PSD4: variants seen among roughly 807,000 people sequenced by gnomAD.
PSD4 encodes PH and SEC7 domain-containing protein 4.
In PSD4, 59 loss-of-function variants were observed where a neutral mutation model predicts 112.5. The ratio of observed to expected loss-of-function variants is 0.52; its 90% CI spans 0.43 to 0.65. The LOEUF (loss-of-function observed/expected upper bound fraction) is 0.65, where lower values mean the gene tolerates loss of function less well. Among genes scored for constraint, PSD4 ranks in the 30% least tolerant of loss-of-function variants. The pLI, the probability that PSD4 is intolerant of heterozygous loss-of-function variation, is 0.00. For missense variants in PSD4, 1,267 were observed against 1,352.6 expected, an observed-to-expected ratio of 0.94 and a Z score of 0.99; for synonymous variants, 533 against 540.0, an observed-to-expected ratio of 0.99 and a Z score of 0.18.
intron 5 of PSD4, among the ~76,000 whole-genome samples, chr2:113,189,906 G>C (rs45483500): frequency 0.017 from 2,638 of 152,214 alleles, 87 homozygotes; most frequent in African/African-American, 0.061. Flanking sequence ...TGTAGATTCT[G>C]GATATTAGTC....
chr2:113,192,627 G>A, intron 6 of PSD4, 38 bp downstream of exon 6: 1 of 1,602,362 alleles, frequency 6.2e-7, no homozygotes, highest in Non-Finnish European at 8.5e-7. Flanking sequence ...TGGAGGCTGA[G>A]GCAGCCAGGG....
chr2:113,198,658 C>A, intron 14 of PSD4, 82 bp from the exon 15 acceptor site: 1 of 1,451,448 alleles, frequency 6.9e-7, no homozygotes, highest in Non-Finnish European at 9.1e-7. Flanking sequence ...GCCAGCTGTG[C>A]AAGCAGCCAC....
chr2:113,184,805 C>T (rs765991289), intron 2 of PSD4, 152 bp from the exon 3 acceptor site: 60 of 1,154,908 alleles, frequency 5.2e-5, no homozygotes, highest in Non-Finnish European at 1.1e-5. Flanking sequence ...AAAACACAGC[C>T]CCTCCTTGGG....
chr2:113,180,818 G>T (rs185450619), intron 1 of PSD4, among the ~76,000 whole-genome samples: 1 of 152,164 alleles, frequency 6.6e-6, no homozygotes, highest in Admixed American at 6.5e-5. Context: ...GTGTGTGTTT[G>T]TTAATAGTCT....
chr2:113,184,380 T>G (rs1319568319), intron 2 of PSD4, among the ~76,000 whole-genome samples: 1 of 90,250 alleles, frequency 1.1e-5, no homozygotes, highest in Non-Finnish European at 2.6e-5. Context: ...GGACTTTCTT[T>G]TTTTTTTTTT....
In PSD4 at chr2:113,192,599, T is replaced by G; in HGVS notation, c.1838+10T>G. The G allele has an allele frequency of 1.9e-6, 3 of 1,613,150 alleles. 1 individual carries two copies. The South Asian group carries it at 3.3e-5, about 18-fold the overall frequency. ...CCTACCTGCAGAAGAAGTAAGGGGC[T>G]TTGAGCCTGGGGAAGGCTGGAGGCT... On this transcript the variant is annotated intron_variant, in intron 6 of 16. Transcript: ENST00000245796.
At position 113,202,515 on chromosome 2, in the gene PSD4, C is replaced by G. The variant is rs1688801500; in HGVS notation, c.*1100C>G. ...CTGGCAGCTCAGAGGGTCTCTGCTG[C>G]TCTCCCCTGGGAAATCCCCTCATCC... On this transcript the variant is annotated 3_prime_UTR_variant, in exon 17 of 17. Transcript: ENST00000245796. 1 of 152,778 alleles carries G rather than the reference C, an allele frequency of 6.5e-6. No homozygotes were observed. Among genetic ancestry groups the G allele is most frequent in the Non-Finnish European group, 1.5e-5 (1 of 68,432 alleles). 9.5% of individuals were successfully genotyped at this position (152,778 alleles called of 1,614,324 possible).
At chr2:113,196,379 T>C (rs370545140) in intron 12 of PSD4, 72 bp downstream of exon 12, 1 of 1,487,230 alleles carries the variant, frequency 6.7e-7, no homozygotes, top group Non-Finnish European at 9.0e-7. Flanking sequence ...TGCCGATGCA[T>C]GCACAGGTGT....
rs1343556929 is a variant in PSD4 at position 113,206,916 on chromosome 2, A to G, written c.*5501A>G. 2.0e-5 allele frequency: 3 copies of G among 152,168 alleles called. No homozygotes were observed. The highest frequency in any genetic ancestry group is 4.4e-5 in the Non-Finnish European group (3 of 68,028). 9.4% of individuals were successfully genotyped at this position (152,168 alleles called of 1,614,324 possible). On this transcript the variant is annotated 3_prime_UTR_variant, in exon 17 of 17. Coordinates refer to ENST00000245796, the MANE Select transcript of PSD4 (RefSeq NM_012455.3). ...CAGAAAAGGACTTTGATTGGCTCCA[A>G]TAGCTGAATAATCTGTATCCAGGTC...
intron 2 of PSD4, among the ~76,000 whole-genome samples, chr2:113,184,222 A>G (rs1376577021): frequency 6.6e-6 from 1 of 152,172 alleles, no homozygotes; most frequent in African/African-American, 2.4e-5. Context: ...ATGAAGAGCT[A>G]TTACCCAGAG....
At chr2:113,177,645 C>T (rs10864910) in intron 1 of PSD4, among the ~76,000 whole-genome samples, 32,739 of 151,996 alleles carry the variant, frequency 0.22, 3,904 homozygotes, top group East Asian at 0.53. Flanking sequence ...CAATGCTGAT[C>T]TTTAAATTTC....
chr2:113,184,462 C>T (rs1688235380), intron 2 of PSD4, among the ~76,000 whole-genome samples: 1 of 151,422 alleles, frequency 6.6e-6, no homozygotes, highest in Non-Finnish European at 1.5e-5. Flanking sequence ...GACCCTCCAC[C>T]TCCCAGGTTC....
chr2:113,185,499 T>C, intron 4 of PSD4, 59 bp downstream of exon 4: 2 of 1,613,244 alleles, frequency 1.2e-6, no homozygotes, highest in Non-Finnish European at 1.7e-6. Flanking sequence ...GAATTTGGAG[T>C]GGGGACAAAG....
chr2:113,186,941 A>G (rs1688314582), intron 5 of PSD4, among the ~76,000 whole-genome samples: 1 of 152,174 alleles, frequency 6.6e-6, no homozygotes, highest in East Asian at 1.9e-4. Flanking sequence ...GCTGAATGTG[A>G]GTCATGTTAA....
In PSD4 at chr2:113,204,148, C is replaced by T. The variant is rs1235595012; in HGVS notation, c.*2733C>T. The stretch of plus-strand genomic sequence containing the variant: ...GCTGCTCAGGTGTCCTGCTGTGGAG[C>T]TGAGCTGTGCTCCCTGAAAGGCAGG... On this transcript the variant is annotated 3_prime_UTR_variant, in exon 17 of 17. Transcript: ENST00000245796. 6.6e-6 allele frequency: 1 copy of T among 152,354 alleles called. No individual in the cohort carries two copies. The highest frequency in any genetic ancestry group is 2.4e-5 in the African/African-American group (1 of 41,462). The allele number at this position is 152,354 out of a possible 1,614,324, so 9.4% of individuals were successfully genotyped here.
rs148478617 is a variant in PSD4, at chr2:113,183,610, G to T, written c.1056+98G>T. ...CAGGCCCAGAACATTCTTTTCTGAC[G>T]CTAAGAGCTTTGGGGATAACCTGCA... On this transcript the variant is annotated intron_variant, in intron 2 of 16. Transcript: ENST00000245796. 1.1e-3 allele frequency: 1,309 copies of T among 1,188,838 alleles called. 10 individuals carry two copies. The African/African-American group carries it at 0.018, about 16-fold the overall frequency. 73.6% of individuals were successfully genotyped at this position (1,188,838 alleles called of 1,614,324 possible).
At chr2:113,199,273 G>A (rs763006201) in intron 16 of PSD4, 47 bp downstream of exon 16, 260 of 1,397,824 alleles carry the variant, frequency 1.9e-4, no homozygotes, top group Middle Eastern at 2.4e-4. Context: ...CGCCCTCTCC[G>A]CCCTCTCGTG....
intron 5 of PSD4, among the ~76,000 whole-genome samples, chr2:113,186,472 C>T (rs1032944088): frequency 2.6e-5 from 4 of 152,102 alleles, no homozygotes; most frequent in South Asian, 2.1e-4. Context: ...CACGTGGAGG[C>T]GAGATCTGAG....
chr2:113,188,721 C>T (rs2104500367), intron 5 of PSD4, among the ~76,000 whole-genome samples: 1 of 152,140 alleles, frequency 6.6e-6, no homozygotes, highest in Non-Finnish European at 1.5e-5. Context: ...GCTGGGACTA[C>T]AGGCGCCCGC....
Sources: allele counts gnomAD v4.1 joint callset (sites outside exome capture counted in the v4.1 genomes callset), GRCh38; gene constraint gnomAD v4.1.1; transcripts MANE v1.5; gene names NCBI Gene and HGNC (gene_info 2026-07-23, HGNC 2026-07-21).